Variants in PPM1H observed in about 807,000 individuals in gnomAD.
PPM1H encodes the protein protein phosphatase, Mg2+/Mn2+ dependent 1H.
A neutral mutation model predicts 54.9 loss-of-function variants in PPM1H; 27 were observed. That is an observed-to-expected ratio of 0.49 (90% CI 0.36 to 0.68). PPM1H has a LOEUF of 0.68. PPM1H is among the 30% of genes least tolerant of loss of function. The pLI, the probability that PPM1H is intolerant of heterozygous loss-of-function variation, is 0.00. For missense variants in PPM1H, 596 were observed against 667.8 expected, an observed-to-expected ratio of 0.89 and a Z score of 1.19; for synonymous variants, 305 against 270.8, an observed-to-expected ratio of 1.13 and a Z score of -1.24.
chr12:62,861,000 C>T lies in PPM1H; in HGVS notation c.246-28721G>A, dbSNP rs140324185. ...TGTGGCAGGAAGAGCAGGCATTACA[C>T]CTCCCTTCTTCTAGATAAGAAAACT... On this transcript the variant is annotated intron_variant, in intron 1 of 9. Transcript: ENST00000228705. Among the ~76,000 whole-genome samples the T allele has an allele frequency of 8.5e-4, 130 of 152,286 alleles. 1 individual carries two copies. The East Asian group carries it at 0.018, about 21-fold the overall frequency.
At chr12:62,693,888 C>T (rs1207957205) in intron 7 of PPM1H, 48 bp downstream of exon 7, 7 of 1,538,954 alleles carry the variant, frequency 4.5e-6, no homozygotes, top group South Asian at 1.2e-5. Flanking sequence ...GGAGCGAAGG[C>T]GGGACAGAGC....
At chr12:62,709,874 C>T (rs2076197064) in intron 6 of PPM1H, among the ~76,000 whole-genome samples, 1 of 151,918 alleles carries the variant, frequency 6.6e-6, no homozygotes, top group Non-Finnish European at 1.5e-5. Flanking sequence ...AGTTCACAAC[C>T]AGCCTGACCA....
chr12:62,929,053 C>G (rs1163661309), intron 1 of PPM1H, among the ~76,000 whole-genome samples: 1 of 152,114 alleles, frequency 6.6e-6, no homozygotes, highest in Admixed American at 6.6e-5. Flanking sequence ...CTTAAAGGCT[C>G]CAAATACTGA....
intron 6 of PPM1H, among the ~76,000 whole-genome samples, chr12:62,710,084 A>AT (rs371125780): frequency 1.3e-5 from 2 of 151,994 alleles, no homozygotes; most frequent in African/African-American, 4.8e-5. Flanking sequence ...CAAAAAAAAA[A>AT]GCCAGTCTTG....
At position 62,661,482 on chromosome 12, in the gene PPM1H, C is replaced by T. The variant is rs571059249; in HGVS notation, c.1397+5696G>A. 3.3e-5 allele frequency among the ~76,000 whole-genome samples: 5 copies of T among 152,306 alleles called. No homozygotes were observed. In the East Asian group the frequency reaches 5.8e-4, roughly 18 times the overall value. The stretch of plus-strand genomic sequence containing the variant: ...GTGGCACCATCTCGGCTCACTGCAA[C>T]CTCGACTTGCCAGCTTCAAGAGATT... On this transcript the variant is annotated intron_variant, in intron 9 of 9. Transcript: ENST00000228705.
At chr12:62,802,891 C>A (rs1191328349) in intron 2 of PPM1H, among the ~76,000 whole-genome samples, 1 of 152,128 alleles carries the variant, frequency 6.6e-6, no homozygotes, top group African/African-American at 2.4e-5. Context: ...GCGTGAGCCA[C>A]CGTGCCTGGA....
At chr12:62,694,380 G>C (rs1028266567) in intron 6 of PPM1H, among the ~76,000 whole-genome samples, 2 of 152,198 alleles carry the variant, frequency 1.3e-5, no homozygotes, top group African/African-American at 4.8e-5. Flanking sequence ...ACTGCTTCGA[G>C]AGCCAGTTCT....
At chr12:62,888,354 G>A (rs1287710074) in intron 1 of PPM1H, among the ~76,000 whole-genome samples, 1 of 152,166 alleles carries the variant, frequency 6.6e-6, no homozygotes, top group Non-Finnish European at 1.5e-5. Context: ...AGTTGTTTCA[G>A]TCAAGGGTCT....
chr12:62,671,573 C>A (rs560042599), intron 8 of PPM1H, among the ~76,000 whole-genome samples: 1 of 152,204 alleles, frequency 6.6e-6, no homozygotes, highest in East Asian at 1.9e-4. Context: ...AGATAGACAC[C>A]CAAATAAATT....
At chr12:62,654,217 C>CA (rs57812590) in intron 9 of PPM1H, among the ~76,000 whole-genome samples, 7,006 of 65,278 alleles carry the variant, frequency 0.11, 860 homozygotes, top group South Asian at 0.16. Context: ...GACTCTTTCT[C>CA]AAAAAAAAAA....
chr12:62,804,224 C>T (rs938543463), intron 2 of PPM1H, among the ~76,000 whole-genome samples: 1 of 152,132 alleles, frequency 6.6e-6, no homozygotes, highest in Non-Finnish European at 1.5e-5. Flanking sequence ...CACAGTGGCT[C>T]ACGCCTGTAA....
At chr12:62,711,190 C>A (rs1350405977) in intron 6 of PPM1H, among the ~76,000 whole-genome samples, 1 of 152,162 alleles carries the variant, frequency 6.6e-6, no homozygotes, top group African/African-American at 2.4e-5. Flanking sequence ...CAGGGTCTCC[C>A]CATGTTGCCC....
rs1327082737 is a variant in PPM1H, at chr12:62,934,593, C to A, written c.144G>T (p.Gly48=). 1.3e-6 allele frequency: 2 copies of A among 1,570,478 alleles called. No homozygotes were observed. Among genetic ancestry groups the A allele is most frequent in the Non-Finnish European group, 1.7e-6 (2 of 1,158,884 alleles). ...TGCACTCCACCTCGTCCTGAGACAG[C>A]CCCAGGAACTCTGGCCGCCCGTAGG... The part of the protein sequence containing the change: ...RFPYGRPEFL[G]LSQDEVECSA... Residue 48 remains glycine, a synonymous_variant, in exon 1 of 10, where the codon GGG becomes GGT. Transcript: ENST00000228705. The surrounding 1 kb of genome is among the most constrained non-coding windows in gnomAD (Gnocchi z 4.2).
intron 1 of PPM1H, among the ~76,000 whole-genome samples, chr12:62,893,441 G>A (rs997532053): frequency 2.5e-4 from 38 of 152,016 alleles, no homozygotes; most frequent in Non-Finnish European, 4.9e-4. Flanking sequence ...AATGAATTAG[G>A]GCCCACTTGA....
chr12:62,873,509 T>C (rs2121013614), intron 1 of PPM1H, among the ~76,000 whole-genome samples: 1 of 152,214 alleles, frequency 6.6e-6, no homozygotes, highest in African/African-American at 2.4e-5. Context: ...CCAAGGCAAG[T>C]CAAGGTAATT....
chr12:62,695,348 A>T (rs1375257058), intron 6 of PPM1H, among the ~76,000 whole-genome samples: 1 of 152,118 alleles, frequency 6.6e-6, no homozygotes, highest in African/African-American at 2.4e-5. Flanking sequence ...GATCCTCATT[A>T]ATCAATTAGG....
At chr12:62,741,226 G>A (rs1013792800) in intron 4 of PPM1H, among the ~76,000 whole-genome samples, 4 of 152,022 alleles carry the variant, frequency 2.6e-5, no homozygotes, top group African/African-American at 9.7e-5. Flanking sequence ...AGGCACCCAG[G>A]CGTGTAGATT....
intron 4 of PPM1H, among the ~76,000 whole-genome samples, chr12:62,751,677 T>C (rs933199463): frequency 1.3e-5 from 2 of 152,240 alleles, no homozygotes; most frequent in Non-Finnish European, 2.9e-5. Flanking sequence ...TCCTTCACTG[T>C]AATTTCTTTA....
At chr12:62,682,054 GA>G (rs1384464522) in intron 8 of PPM1H, among the ~76,000 whole-genome samples, 6 of 152,226 alleles carry the variant, frequency 3.9e-5, no homozygotes, top group African/African-American at 1.2e-4. Context: ...GATAGAGCTT[GA>G]AGTCAAGACT....
Sources: allele counts gnomAD v4.1 joint callset (sites outside exome capture counted in the v4.1 genomes callset), GRCh38; gene constraint gnomAD v4.1.1; non-coding constraint Gnocchi (gnomAD v3.1); transcripts MANE v1.5; gene names NCBI Gene and HGNC (gene_info 2026-07-23, HGNC 2026-07-21).